PLPP1: variants seen among roughly 807,000 people sequenced by gnomAD.
The protein encoded by PLPP1 is lipid phosphate phosphohydrolase 1a.
Under a neutral mutation model 31.2 loss-of-function variants are expected in PLPP1, and 24 were observed. The ratio of observed to expected loss-of-function variants is 0.77; its 90% CI spans 0.56 to 1.08. The LOEUF (loss-of-function observed/expected upper bound fraction) is 1.08. PLPP1 is among the 50% of genes least tolerant of loss of function. The pLI, the probability that PLPP1 is intolerant of heterozygous loss-of-function variation, is 0.00. For synonymous variants in PLPP1, 146 were observed against 126.3 expected, an observed-to-expected ratio of 1.16 and a Z score of -1.05; for missense variants, 319 against 342.7, an observed-to-expected ratio of 0.93 and a Z score of 0.55.
At chr5:55,527,637 C>T (rs1740509279) in intron 1 of PLPP1, among the ~76,000 whole-genome samples, 1 of 152,166 alleles carries the variant, frequency 6.6e-6, no homozygotes, top group Non-Finnish European at 1.5e-5. Context: ...TTCAAGAAAA[C>T]TTAATGAAGG....
intron 2 of PLPP1, among the ~76,000 whole-genome samples, chr5:55,475,045 A>G (rs868232007): frequency 3.9e-5 from 6 of 152,262 alleles, no homozygotes; most frequent in South Asian, 2.1e-4. Context: ...GACTCAAGCG[A>G]TCCTCTAGCC....
intron 3 of PLPP1, among the ~76,000 whole-genome samples, chr5:55,443,190 AAAATATAT>A (rs1171132561): frequency 2.0e-4 from 4 of 20,418 alleles, no homozygotes; most frequent in Non-Finnish European, 5.5e-4. Flanking sequence ...AAAAAAAAAA[AAAATATAT>A]ATATATATAT....
At chr5:55,484,270 G>A (rs1232549567) in intron 1 of PLPP1, 4 of 151,982 alleles carry the variant, frequency 2.6e-5, no homozygotes, top group South Asian at 2.1e-4. Flanking sequence ...TCTCCTCTTC[G>A]TGATTTTCCA....
At chr5:55,472,328 C>T (rs1259464892) in intron 2 of PLPP1, among the ~76,000 whole-genome samples, 4 of 152,012 alleles carry the variant, frequency 2.6e-5, no homozygotes. Context: ...ATAGGCCGGG[C>T]GCAGTGGCTC....
chr5:55,477,163 G>A (rs567379553), intron 1 of PLPP1, among the ~76,000 whole-genome samples: 1 of 152,150 alleles, frequency 6.6e-6, no homozygotes, highest in East Asian at 1.9e-4. Flanking sequence ...GGGGTAAAAT[G>A]GCCAAGTTTT....
At chr5:55,502,271 G>A (rs973428300) in intron 1 of PLPP1, among the ~76,000 whole-genome samples, 1 of 152,100 alleles carries the variant, frequency 6.6e-6, no homozygotes, top group East Asian at 1.9e-4. Context: ...GGCAGATCAC[G>A]AGGTCAAGAG....
chr5:55,532,539 CAAGTAT>C (rs1265832579), intron 1 of PLPP1, among the ~76,000 whole-genome samples: 1 of 152,080 alleles, frequency 6.6e-6, no homozygotes, highest in East Asian at 1.9e-4. Flanking sequence ...CCAATGACAT[CAAGTAT>C]AAGTTAAAAT....
At chr5:55,490,807 T>C (rs1752872539) in intron 1 of PLPP1, among the ~76,000 whole-genome samples, 1 of 152,190 alleles carries the variant, frequency 6.6e-6, no homozygotes, top group Non-Finnish European at 1.5e-5. Flanking sequence ...ACACTGCCTC[T>C]GGACTAAAAC....
chr5:55,489,156 C>A (rs1036827810), intron 1 of PLPP1, among the ~76,000 whole-genome samples: 3 of 152,170 alleles, frequency 2.0e-5, no homozygotes, highest in Admixed American at 2.0e-4. Context: ...CAAGATTACA[C>A]AATTGCACTC....
intron 2 of PLPP1, among the ~76,000 whole-genome samples, chr5:55,474,365 G>A (rs1752491158): frequency 1.3e-5 from 2 of 152,280 alleles, no homozygotes; most frequent in South Asian, 4.1e-4. Flanking sequence ...CCATGCAGTG[G>A]AAGCATGCTG....
intron 1 of PLPP1, among the ~76,000 whole-genome samples, chr5:55,508,490 C>T (rs921314046): frequency 3.3e-5 from 5 of 152,162 alleles, no homozygotes; most frequent in Admixed American, 6.5e-5. Flanking sequence ...CAAGGCAGGC[C>T]TTCAACAAAT....
intron 1 of PLPP1, among the ~76,000 whole-genome samples, chr5:55,495,661 G>A (rs1295461933): frequency 3.3e-5 from 5 of 151,876 alleles, no homozygotes; most frequent in Non-Finnish European, 4.4e-5. Context: ...GTTCAATATC[G>A]GGTTGTCATT....
At chr5:55,463,352 T>TA (rs1272147291) in intron 3 of PLPP1, among the ~76,000 whole-genome samples, 3 of 151,748 alleles carry the variant, frequency 2.0e-5, no homozygotes, top group Non-Finnish European at 2.9e-5. Flanking sequence ...TAAATTAAGA[T>TA]AAAAAAGAAA....
chr5:55,534,529 G>C (rs749387782), intron 1 of PLPP1, 43 bp downstream of exon 1: 32 of 1,514,684 alleles, frequency 2.1e-5, no homozygotes, highest in African/African-American at 4.3e-5. Flanking sequence ...AGCCCTCCCG[G>C]GACAGCCGCA....
intron 1 of PLPP1, among the ~76,000 whole-genome samples, chr5:55,519,138 C>T (rs899670274): frequency 6.6e-6 from 1 of 152,180 alleles, no homozygotes; most frequent in Admixed American, 6.5e-5. Context: ...ACACTGAGAA[C>T]TGCATTCATA....
At chr5:55,505,787 T>C (rs1048587402) in intron 1 of PLPP1, among the ~76,000 whole-genome samples, 24 of 152,372 alleles carry the variant, frequency 1.6e-4, no homozygotes, top group Admixed American at 6.5e-4. Flanking sequence ...GCTGGTGCAG[T>C]GGCTCACGCC....
chr5:55,520,496 T>C (rs568300396), intron 1 of PLPP1, among the ~76,000 whole-genome samples: 56 of 152,352 alleles, frequency 3.7e-4, no homozygotes, highest in Middle Eastern at 3.4e-3. Context: ...GCCAGGACTA[T>C]GTTAACCACT....
chr5:55,452,719 G>A (rs987718015), intron 3 of PLPP1, among the ~76,000 whole-genome samples: 1 of 152,084 alleles, frequency 6.6e-6, no homozygotes, highest in Non-Finnish European at 1.5e-5. Context: ...TTTCTCTGAA[G>A]AGCACTCAAT....
intron 3 of PLPP1, among the ~76,000 whole-genome samples, chr5:55,442,145 G>A (rs1477970906): frequency 1.3e-5 from 2 of 152,140 alleles, no homozygotes; most frequent in African/African-American, 4.8e-5. Context: ...TGGGTAATGT[G>A]TCATGAAAAT....
Sources: gnomAD v4.1 joint callset for allele counts (sites outside exome capture counted in the v4.1 genomes callset) on GRCh38, gnomAD v4.1.1 for gene constraint, MANE v1.5 for transcripts, NCBI Gene and HGNC (gene_info 2026-07-23, HGNC 2026-07-21) for gene names.